Variants in CDKL5 observed in about 807,000 individuals in gnomAD.
CDKL5 encodes cyclin dependent kinase like 5.
A neutral mutation model predicts 61.7 loss-of-function variants in CDKL5; 8 were observed. The observed-to-expected ratio is 0.13, with a 90% CI of 0.08 to 0.23. The LOEUF is 0.23. CDKL5 is among the 10% of genes least tolerant of loss of function. CDKL5 has a pLI of 1.00. For synonymous variants in CDKL5, 275 were observed against 272.3 expected, an observed-to-expected ratio of 1.01 and a Z score of -0.10; for missense variants, 440 against 734.5, an observed-to-expected ratio of 0.60 and a Z score of 4.63.
chrX:18,526,564 C>G (rs1923446718), intron 3 of CDKL5, among the ~76,000 whole-genome samples: 2 of 111,307 alleles, frequency 1.8e-5, no homozygotes, highest in South Asian at 7.5e-4. Context: ...TGTTAAGTAC[C>G]AATAATGTTA....
chrX:18,640,390 A>C (rs561740701), downstream of CDKL5: 1 of 107,871 alleles, frequency 9.3e-6, no homozygotes, highest in African/African-American at 3.4e-5. Context: ...TTTCTATCCA[A>C]AATAGATTTG....
At chrX:18,556,281 A>G (rs1924598345) in intron 3 of CDKL5, among the ~76,000 whole-genome samples, 1 of 111,922 alleles carries the variant, frequency 8.9e-6, no homozygotes, top group Non-Finnish European at 1.9e-5. Flanking sequence ...CTATTTTGAA[A>G]TGTTCATTGG....
chrX:18,468,584 A>G (rs1920985131), intron 1 of CDKL5, among the ~76,000 whole-genome samples: 1 of 112,393 alleles, frequency 8.9e-6, no homozygotes, highest in Non-Finnish European at 1.9e-5. Flanking sequence ...ATCTTGTAAA[A>G]TGATTTGTTC....
chrX:18,623,110 T>C (rs1216513107), intron 16 of CDKL5, among the ~76,000 whole-genome samples: 1 of 112,207 alleles, frequency 8.9e-6, no homozygotes, highest in Admixed American at 9.5e-5. Context: ...CCTTGGGAAA[T>C]CTGGCTTTGG....
At chrX:18,431,637 G>A (rs1294405587) in intron 1 of CDKL5, among the ~76,000 whole-genome samples, 1 of 108,800 alleles carries the variant, frequency 9.2e-6, no homozygotes, top group African/African-American at 3.3e-5. Flanking sequence ...ATGTTAGCCA[G>A]GATGGTCTCG....
chrX:18,502,887 G>A (rs187038240), intron 1 of CDKL5, among the ~76,000 whole-genome samples: 45 of 111,494 alleles, frequency 4.0e-4, no homozygotes, highest in Admixed American at 2.7e-3. Flanking sequence ...CATACTTGTA[G>A]TAGGAGGGTG....
intron 3 of CDKL5, among the ~76,000 whole-genome samples, chrX:18,523,413 CATG>C (rs1431225992): frequency 9.0e-6 from 1 of 111,670 alleles, no homozygotes; most frequent in South Asian, 3.7e-4. Context: ...TTTCACTTAG[CATG>C]ATGTTTTTAA....
In CDKL5 at chrX:18,639,790, A is replaced by G. The variant is rs1173012757; in HGVS notation, c.*11033A>G. The G allele has an allele frequency of 4.4e-5, 5 of 112,609 alleles. No homozygotes were observed. The highest frequency in any genetic ancestry group is 9.4e-5 in the Non-Finnish European group (5 of 53,375). The allele number at this position is 112,609 out of a possible 1,213,427, so 9.3% of individuals were successfully genotyped here. On this transcript the variant is annotated 3_prime_UTR_variant, in exon 18 of 18. Coordinates refer to ENST00000623535, the MANE Select transcript of CDKL5 (RefSeq NM_001323289.2). Reference sequence around the variant, plus strand: ...GGATAAATAACAATGTGCTCTTGACATGATACTGAACAATGATGTTCAGCA... The same window carrying G: ...GGATAAATAACAATGTGCTCTTGACGTGATACTGAACAATGATGTTCAGCA...
chrX:18,569,149 A>G (rs1925061291), intron 4 of CDKL5, among the ~76,000 whole-genome samples: 1 of 111,820 alleles, frequency 8.9e-6, no homozygotes, highest in East Asian at 2.8e-4. Context: ...GTAATGAAAA[A>G]TTTTGTCTGA....
intron 3 of CDKL5, among the ~76,000 whole-genome samples, chrX:18,518,388 A>ATGTTTTTTTTTTTTTTTTTT (rs1923112258): frequency 4.7e-5 from 1 of 21,162 alleles, no homozygotes; most frequent in Non-Finnish European, 8.6e-5. Context: ...TTCTTTTCTT[A>ATGTTTTTTTTTTTTTTTTTT]TTTTTTTTTT....
intron 4 of CDKL5, among the ~76,000 whole-genome samples, chrX:18,568,086 A>T (rs1196579958): frequency 2.7e-5 from 3 of 112,312 alleles, no homozygotes; most frequent in Non-Finnish European, 5.6e-5. Flanking sequence ...TTTTATGGGT[A>T]TTCAAAGTAT....
chrX:18,593,864 T>A (rs1011560976), intron 9 of CDKL5, among the ~76,000 whole-genome samples: 3 of 112,552 alleles, frequency 2.7e-5, no homozygotes, highest in African/African-American at 9.7e-5. Flanking sequence ...ACATTTTTCA[T>A]ATTTTTCAAA....
At chrX:18,502,141 C>T (rs1386462124) in intron 1 of CDKL5, among the ~76,000 whole-genome samples, 1 of 111,244 alleles carries the variant, frequency 9.0e-6, no homozygotes, top group African/African-American at 3.3e-5. Context: ...TTTAGAGAAG[C>T]CCTCCCTGTC....
At chrX:18,613,345 G>T in intron 15 of CDKL5, 70 bp downstream of exon 15, 1 of 1,041,950 alleles carries the variant, frequency 9.6e-7, no homozygotes, top group Non-Finnish European at 1.3e-6. Flanking sequence ...ATAAATTCTG[G>T]ATGAGCTTTT....
chrX:18,467,660 G>A (rs1323164062), intron 1 of CDKL5, among the ~76,000 whole-genome samples: 1 of 111,913 alleles, frequency 8.9e-6, no homozygotes, highest in Non-Finnish European at 1.9e-5. Flanking sequence ...GTAAGCTGCT[G>A]TAGTCAAGGA....
intron 3 of CDKL5, among the ~76,000 whole-genome samples, chrX:18,518,226 A>T (rs1923093736): frequency 9.2e-6 from 1 of 108,405 alleles, no homozygotes; most frequent in African/African-American, 3.4e-5. Flanking sequence ...CATAAAGTAA[A>T]ATTCAACCAG....
At position 18,630,081 on chromosome X, in the gene CDKL5, A is replaced by G. The variant is rs1927191201; in HGVS notation, c.*1324A>G. On this transcript the variant is annotated 3_prime_UTR_variant, in exon 18 of 18. Transcript: ENST00000623535. The stretch of plus-strand genomic sequence containing the variant: ...TTTTGCTATTGCTCTCTCCAATACC[A>G]TATTTAAAAGGCTCCTGGAGCAATT... The G allele has an allele frequency of 4.0e-6, 3 of 751,799 alleles. No individual in the cohort carries two copies. The highest frequency in any genetic ancestry group is 4.6e-5 in the African/African-American group (2 of 43,044). 62.0% of individuals were successfully genotyped at this position (751,799 alleles called of 1,213,427 possible).
In CDKL5 at chrX:18,631,362, C is replaced by T. The variant is rs1001608406; in HGVS notation, c.*2605C>T. On this transcript the variant is annotated 3_prime_UTR_variant, in exon 18 of 18. Transcript: ENST00000623535. ...CTTTTGTCTGTTCTGACTTTTCATC[C>T]AATAAGCTGTAAGTGAACTACAATC... The T allele has an allele frequency of 2.7e-5, 20 of 752,666 alleles. No homozygotes were observed. Among genetic ancestry groups the T allele is most frequent in the Non-Finnish European group, 3.0e-5 (19 of 638,833 alleles). 62.0% of individuals were successfully genotyped at this position (752,666 alleles called of 1,213,427 possible). A position where few individuals can be genotyped will look rare whatever the true frequency, so the allele number is the denominator to read the frequency against.
chrX:18,539,920 G>A (rs1422641487), intron 3 of CDKL5, among the ~76,000 whole-genome samples: 1 of 111,082 alleles, frequency 9.0e-6, no homozygotes, highest in East Asian at 2.8e-4. Flanking sequence ...CTCTCCTTTA[G>A]ACCCTTTTGC....
Sources: allele counts gnomAD v4.1 joint callset (sites outside exome capture counted in the v4.1 genomes callset), GRCh38; gene constraint gnomAD v4.1.1; transcripts MANE v1.5; gene names NCBI Gene and HGNC (gene_info 2026-07-23, HGNC 2026-07-21).